EVA1A: variants seen among roughly 807,000 people sequenced by gnomAD.
EVA1A encodes eva-1 homolog A, regulator of programmed cell death.
Under a neutral mutation model 9.8 loss-of-function variants are expected in EVA1A, and 7 were observed. That is an observed-to-expected ratio of 0.71 (90% CI 0.41 to 1.34). The LOEUF (loss-of-function observed/expected upper bound fraction) is 1.34. Ranked by LOEUF, EVA1A falls within the 40% of genes most tolerant of loss-of-function variation. The probability of loss-of-function intolerance (pLI) is 0.01; values close to 1 mark genes in which losing one functional copy is unlikely to be tolerated. For synonymous variants in EVA1A, 90 were observed against 85.6 expected, an observed-to-expected ratio of 1.05 and a Z score of -0.28; for missense variants, 206 against 205.9, an observed-to-expected ratio of 1.00 and a Z score of 0.00.
chr2:75,557,083 C>T (rs1676738637), intron 1 of EVA1A, among the ~76,000 whole-genome samples: 1 of 152,198 alleles, frequency 6.6e-6, no homozygotes, highest in South Asian at 2.1e-4. Context: ...TAGGTGACCT[C>T]ACCCCACTGA....
intron 1 of EVA1A, among the ~76,000 whole-genome samples, chr2:75,530,842 C>G (rs562623095): frequency 1.3e-5 from 2 of 152,150 alleles, no homozygotes; most frequent in African/African-American, 4.8e-5. Flanking sequence ...AGAACTGAAA[C>G]AAGACAAAAA....
intron 1 of EVA1A, among the ~76,000 whole-genome samples, chr2:75,547,261 A>G (rs1676364140): frequency 6.6e-6 from 1 of 152,164 alleles, no homozygotes; most frequent in African/African-American, 2.4e-5. Flanking sequence ...TCATGGATGG[A>G]GCTTCATGCC....
Position 75,549,004 on chromosome 2 carries a change from ATATATTT to A in EVA1A, c.-192+11669_-192+11675del, listed in dbSNP as rs1239036738. On this transcript the variant is annotated intron_variant, in intron 1 of 3. Coordinates refer to ENST00000393913, the MANE Select transcript of EVA1A (RefSeq NM_001135032.2). ...GAAAAATATATATATATATATATATATATATTTTTTTTTTTTTTACTAATAAATCAAA... is the reference window on the plus strand; with the variant it reads ...GAAAAATATATATATATATATATATATTTTTTTTTTTACTAATAAATCAAA... Among the ~76,000 whole-genome samples the A allele has an allele frequency of 1.4e-3, 140 of 100,584 alleles. 1 individual carries two copies. The highest frequency in any genetic ancestry group is 4.7e-3 in the East Asian group (16 of 3,428). 66.0% of individuals were successfully genotyped at this position (100,584 alleles called of 152,430 possible).
intron 1 of EVA1A, among the ~76,000 whole-genome samples, chr2:75,528,839 G>T (rs1208492497): frequency 6.6e-6 from 1 of 152,126 alleles, no homozygotes; most frequent in Non-Finnish European, 1.5e-5. Context: ...CTCCTGGCTG[G>T]AGGGCAACCA....
chr2:75,543,447 G>A (rs1676210326), intron 1 of EVA1A, among the ~76,000 whole-genome samples: 1 of 152,016 alleles, frequency 6.6e-6, no homozygotes, highest in Non-Finnish European at 1.5e-5. Flanking sequence ...GACTCCTAAG[G>A]TCATTACAAT....
intron 3 of EVA1A, among the ~76,000 whole-genome samples, chr2:75,513,450 T>C (rs1674888993): frequency 6.6e-6 from 1 of 152,204 alleles, no homozygotes; most frequent in Non-Finnish European, 1.5e-5. Context: ...ACTATTCTAC[T>C]GTCTGTTTCT....
At chr2:75,538,905 T>C (rs1393579086) in intron 1 of EVA1A, among the ~76,000 whole-genome samples, 1 of 152,234 alleles carries the variant, frequency 6.6e-6, no homozygotes. Context: ...CTTGTGATGA[T>C]GCAAATGTTC....
chr2:75,512,804 C>T (rs764487080), intron 3 of EVA1A, among the ~76,000 whole-genome samples: 4 of 152,192 alleles, frequency 2.6e-5, no homozygotes, highest in Non-Finnish European at 5.9e-5. Flanking sequence ...CTTCTCCACC[C>T]ATTAGATGCC....
At chr2:75,559,697 T>TGGGGGGGG (rs36059976) in intron 1 of EVA1A, among the ~76,000 whole-genome samples, 2 of 78,786 alleles carry the variant, frequency 2.5e-5, no homozygotes, top group African/African-American at 5.9e-5. Flanking sequence ...AGAAAGGAGG[T>TGGGGGGGG]GGGGGGGGGG....
At chr2:75,505,385 G>T (rs370529302) in intron 3 of EVA1A, among the ~76,000 whole-genome samples, 4 of 152,144 alleles carry the variant, frequency 2.6e-5, no homozygotes, top group East Asian at 3.8e-4. Context: ...GATTCTCTGG[G>T]CATTCAGCAC....
At chr2:75,520,298 C>A (rs781644944) in intron 2 of EVA1A, among the ~76,000 whole-genome samples, 46 of 144,344 alleles carry the variant, frequency 3.2e-4, no homozygotes, top group Non-Finnish European at 5.2e-4. Context: ...AGTTTTATGG[C>A]AGTCCCAAAA....
In EVA1A at chr2:75,556,887, C is replaced by T. The variant is rs553218739; in HGVS notation, c.-192+3793G>A. Among the ~76,000 whole-genome samples the T allele has an allele frequency of 1.5e-4, 23 of 152,236 alleles. No individual in the cohort carries two copies. In the South Asian group the frequency reaches 3.9e-3, roughly 26 times the overall value. ...GATCTGACAGGAGGCGGAGCTCAGGCGATGACCCTGTTCCTAACAGGCCAG... is the reference window on the plus strand; with the variant it reads ...GATCTGACAGGAGGCGGAGCTCAGGTGATGACCCTGTTCCTAACAGGCCAG... On this transcript the variant is annotated intron_variant, in intron 1 of 3. Coordinates refer to ENST00000393913, the MANE Select transcript of EVA1A (RefSeq NM_001135032.2).
chr2:75,539,217 A>T (rs1676027035), intron 1 of EVA1A, among the ~76,000 whole-genome samples: 7 of 151,918 alleles, frequency 4.6e-5, no homozygotes. Flanking sequence ...AGCTGAAGGG[A>T]TAGAAAATGT....
chr2:75,517,626 C>T (rs772671811), intron 3 of EVA1A, among the ~76,000 whole-genome samples: 1 of 152,082 alleles, frequency 6.6e-6, no homozygotes, highest in African/African-American at 2.4e-5. Flanking sequence ...CTCAGAAAGG[C>T]CCCAAACACA....
chr2:75,566,651 C>G (rs1161408293), intron 1 of EVA1A, among the ~76,000 whole-genome samples: 1 of 152,188 alleles, frequency 6.6e-6, no homozygotes, highest in Non-Finnish European at 1.5e-5. Context: ...AGGCCCTAGT[C>G]AGAAGAATAG....
chr2:75,533,517 C>T (rs1396539740), intron 1 of EVA1A, among the ~76,000 whole-genome samples: 1 of 152,090 alleles, frequency 6.6e-6, no homozygotes, highest in Non-Finnish European at 1.5e-5. Flanking sequence ...AAAAAGATAT[C>T]ATGAGATATC....
chr2:75,558,795 G>T (rs1269964143), intron 1 of EVA1A: 1 of 152,242 alleles, frequency 6.6e-6, no homozygotes, highest in African/African-American at 2.4e-5. Flanking sequence ...TGTGTACAAG[G>T]TCGGGGGTTA....
intron 3 of EVA1A, among the ~76,000 whole-genome samples, chr2:75,502,207 T>C (rs1674453353): frequency 6.6e-6 from 1 of 152,236 alleles, no homozygotes. Context: ...AGATAGCTTA[T>C]GTATCCACTA....
At chr2:75,530,384 C>T (rs1675602165) in intron 1 of EVA1A, among the ~76,000 whole-genome samples, 1 of 152,124 alleles carries the variant, frequency 6.6e-6, no homozygotes. Context: ...AAGAGAGAAT[C>T]CTTTTGAAAT....
Sources: allele counts gnomAD v4.1 joint callset (sites outside exome capture counted in the v4.1 genomes callset), GRCh38; gene constraint gnomAD v4.1.1; transcripts MANE v1.5; gene names NCBI Gene and HGNC (gene_info 2026-07-23, HGNC 2026-07-21).